The following SYNPR variants were observed in gnomAD, a reference collection of about 807,000 sequenced individuals.
The protein encoded by SYNPR is synaptoporin.
In SYNPR, 23 loss-of-function variants were observed where a neutral mutation model predicts 32.9. The ratio of observed to expected loss-of-function variants is 0.70; its 90% confidence interval spans 0.50 to 0.99. The LOEUF is 0.99. SYNPR is among the 50% of genes least tolerant of loss of function. The pLI is 0.00. For missense variants in SYNPR, 318 were observed against 349.3 expected (o/e 0.91, Z 0.71); for synonymous variants, 146 against 135.9 (o/e 1.07, Z -0.52).
chr3:63,245,934 A>G (rs575229681), intron 1 of SYNPR, among the ~76,000 whole-genome samples: 1 of 152,066 alleles, frequency 6.6e-6, no homozygotes, highest in South Asian at 2.1e-4. Flanking sequence ...TATCCTGTAT[A>G]TTTCAGAAAC....
At chr3:63,424,282 G>T (rs995938078) in intron 2 of SYNPR, among the ~76,000 whole-genome samples, 1 of 151,614 alleles carries the variant, frequency 6.6e-6, no homozygotes, top group African/African-American at 2.4e-5. Context: ...TTATTTTTTT[G>T]AAAAAATCAT....
intron 2 of SYNPR, among the ~76,000 whole-genome samples, chr3:63,393,181 C>T (rs1238232510): frequency 6.6e-6 from 1 of 152,130 alleles, no homozygotes; most frequent in Non-Finnish European, 1.5e-5. Context: ...TCAAACACAC[C>T]AAAACTTATT....
At chr3:63,601,686 T>C (rs1700045858) in intron 4 of SYNPR, among the ~76,000 whole-genome samples, 1 of 152,240 alleles carries the variant, frequency 6.6e-6, no homozygotes, top group African/African-American at 2.4e-5. Flanking sequence ...TCTCATTCTT[T>C]TTTTATGGCT....
intron 2 of SYNPR, chr3:63,452,035 A>T (rs1700388232): frequency 2.9e-6 from 2 of 699,602 alleles, no homozygotes; most frequent in South Asian, 1.5e-5. Flanking sequence ...CCCTGATATA[A>T]TTTTTTTCTC....
At chr3:63,288,485 T>C (rs555481802) in intron 2 of SYNPR, among the ~76,000 whole-genome samples, 28 of 152,318 alleles carry the variant, frequency 1.8e-4, no homozygotes, top group Non-Finnish European at 5.9e-5. Context: ...GATAGCTGAG[T>C]GGATTCACAC....
chr3:63,530,679 C>T (rs553925823), intron 3 of SYNPR, among the ~76,000 whole-genome samples: 1 of 152,066 alleles, frequency 6.6e-6, no homozygotes, highest in Admixed American at 6.6e-5. Flanking sequence ...AGAAGCTCTG[C>T]GGTGGGCACT....
At chr3:63,486,903 C>T (rs1247012957) in intron 3 of SYNPR, among the ~76,000 whole-genome samples, 2 of 152,058 alleles carry the variant, frequency 1.3e-5, no homozygotes, top group African/African-American at 4.8e-5. Context: ...TCAATGTCAG[C>T]TTCAGATTTT....
intron 2 of SYNPR, among the ~76,000 whole-genome samples, chr3:63,448,174 G>C (rs941323673): frequency 6.6e-6 from 1 of 152,018 alleles, no homozygotes; most frequent in Non-Finnish European, 1.5e-5. Flanking sequence ...CAGCTAATTT[G>C]TGTATTATTA....
chr3:63,276,598 C>A (rs1041531919), upstream of SYNPR, among the ~76,000 whole-genome samples: 1 of 151,562 alleles, frequency 6.6e-6, no homozygotes, highest in Non-Finnish European at 1.5e-5. Flanking sequence ...AGGGTACACA[C>A]TAAGTAATTG....
upstream of SYNPR, chr3:63,228,232 AC>A (rs2086143180): frequency 1.3e-5 from 2 of 152,080 alleles, no homozygotes; most frequent in Non-Finnish European, 2.9e-5. Context: ...GGCTAGATAA[AC>A]CCATGCTGCT....
intron 2 of SYNPR, 81 bp from the exon 3 acceptor site, chr3:63,480,751 C>T (rs958147636): frequency 6.6e-7 from 1 of 1,522,098 alleles, no homozygotes; most frequent in Non-Finnish European, 8.9e-7. Flanking sequence ...TCAATCCAGA[C>T]ATTAAGCTCC....
At chr3:63,458,416 T>C (rs1467461349) in intron 2 of SYNPR, among the ~76,000 whole-genome samples, 4 of 152,128 alleles carry the variant, frequency 2.6e-5, no homozygotes, top group Non-Finnish European at 5.9e-5. Flanking sequence ...CTCTGATTAA[T>C]AAAGTGGTTG....
chr3:63,591,846 T>A (rs1291868189), intron 4 of SYNPR, among the ~76,000 whole-genome samples: 2 of 144,572 alleles, frequency 1.4e-5, no homozygotes, highest in African/African-American at 2.6e-5. Flanking sequence ...TTGGGAGATA[T>A]ACCTAATGCT....
chr3:63,556,726 C>A lies in SYNPR; in HGVS notation c.393C>A (p.Asn131Lys). Reference sequence around the variant, plus strand: ...TCCAGAACAAATACCGGGAAAACAACCGGGGCCCACTCATTGTAAGTGGTT... The same window carrying A: ...TCCAGAACAAATACCGGGAAAACAAACGGGGCCCACTCATTGTAAGTGGTT... ...IFFQNKYREN[N>K]RGPLIDFIVT... Residue 131 changes from asparagine (N) to lysine (K), a missense_variant, in exon 4 of 6, where the codon AAC (asparagine) becomes AAA (lysine). Asn to Lys is a moderately conservative substitution (Grantham distance 94). Coordinates refer to ENST00000478300, the MANE Select transcript of SYNPR (RefSeq NM_001130003.2). The A allele has an allele frequency of 6.2e-7, 1 of 1,609,340 alleles. No homozygotes were observed. The highest frequency in any genetic ancestry group is 8.5e-7 in the Non-Finnish European group (1 of 1,177,424).
At chr3:63,399,490 G>A (rs2088261391) in intron 2 of SYNPR, among the ~76,000 whole-genome samples, 1 of 152,120 alleles carries the variant, frequency 6.6e-6, no homozygotes, top group African/African-American at 2.4e-5. Flanking sequence ...TTGTTGTCTG[G>A]TGAGTGCCCA....
chr3:63,494,447 A>ATACG (rs1559516359), intron 3 of SYNPR, among the ~76,000 whole-genome samples: 2 of 85,872 alleles, frequency 2.3e-5, no homozygotes, highest in Non-Finnish European at 5.0e-5. Flanking sequence ...ATATATATAT[A>ATACG]CACATATATA....
chr3:63,600,261 C>G lies in SYNPR; in HGVS notation c.409-8864C>G, dbSNP rs547474371. On this transcript the variant is annotated intron_variant, in intron 4 of 5. Coordinates refer to ENST00000478300, the MANE Select transcript of SYNPR (RefSeq NM_001130003.2). ...CGGACAGCAGCTACTGCTGCTGCTCCTAAAACAGCCACCAGTTCTGGAGAG... is the reference window on the plus strand; with the variant it reads ...CGGACAGCAGCTACTGCTGCTGCTCGTAAAACAGCCACCAGTTCTGGAGAG... 2.0e-4 allele frequency among the ~76,000 whole-genome samples: 31 copies of G among 152,298 alleles called. No homozygotes were observed. The South Asian group carries it at 3.7e-3, about 18-fold the overall frequency.
intron 3 of SYNPR, among the ~76,000 whole-genome samples, chr3:63,506,519 T>G (rs141595421): frequency 0.012 from 1,766 of 152,290 alleles, 18 homozygotes; most frequent in Non-Finnish European, 0.019. Context: ...ATTTAAATGC[T>G]GTTGAGAAAC....
chr3:63,246,396 G>A (rs921067008), intron 1 of SYNPR, among the ~76,000 whole-genome samples: 1 of 151,958 alleles, frequency 6.6e-6, no homozygotes, highest in South Asian at 2.1e-4. Context: ...GAAATATTTA[G>A]TGAGCACCTA....
Sources: gnomAD v4.1 joint callset for allele counts (sites outside exome capture counted in the v4.1 genomes callset) on GRCh38, gnomAD v4.1.1 for gene constraint, MANE v1.5 for transcripts, NCBI Gene and HGNC (gene_info 2026-07-23, HGNC 2026-07-21) for gene names.